PPP1R21: variants seen among roughly 807,000 people sequenced by gnomAD.
PPP1R21 encodes the protein protein phosphatase 1 regulatory subunit 21.
Under a neutral mutation model 112.8 loss-of-function variants are expected in PPP1R21, and 85 were observed. The ratio of observed to expected loss-of-function variants is 0.75; its 90% CI spans 0.63 to 0.90. The LOEUF is 0.90. PPP1R21 is among the 40% of genes least tolerant of loss of function. The pLI is 0.00. For missense variants in PPP1R21, 1,199 were observed against 901.5 expected (o/e 1.33, Z -4.23); for synonymous variants, 381 against 322.3 (o/e 1.18, Z -1.95).
intron 9 of PPP1R21, among the ~76,000 whole-genome samples, chr2:48,468,768 C>T (rs1378386443): frequency 2.0e-5 from 3 of 151,780 alleles, no homozygotes; most frequent in Non-Finnish European, 4.4e-5. Flanking sequence ...TGAGCCAAGA[C>T]TGTGCCACTT....
At chr2:48,468,650 C>CA (rs1053938233) in intron 9 of PPP1R21, among the ~76,000 whole-genome samples, 18 of 148,502 alleles carry the variant, frequency 1.2e-4, no homozygotes, top group Admixed American at 4.0e-4. Flanking sequence ...CCGTCTCTAC[C>CA]AAAAAAAAAC....
intron 8 of PPP1R21, 79 bp from the exon 9 acceptor site, chr2:48,465,414 C>G: frequency 1.5e-6 from 2 of 1,290,718 alleles, no homozygotes; most frequent in Non-Finnish European, 1.1e-6. Flanking sequence ...CAAATGTTTT[C>G]TCCAGATCAG....
intron 11 of PPP1R21, among the ~76,000 whole-genome samples, chr2:48,473,016 A>T (rs972230100): frequency 6.6e-6 from 1 of 150,890 alleles, no homozygotes; most frequent in African/African-American, 2.4e-5. Flanking sequence ...AAAAAAAAAA[A>T]AAGAAAAGAA....
chr2:48,445,346 A>G (rs902353166), intron 1 of PPP1R21, among the ~76,000 whole-genome samples: 1 of 151,992 alleles, frequency 6.6e-6, no homozygotes, highest in African/African-American at 2.4e-5. Flanking sequence ...GAGGAACTGA[A>G]TTTTAGGTTT....
At chr2:48,509,870 A>C in intron 19 of PPP1R21, 145 bp from the exon 20 acceptor site, 1 of 531,352 alleles carries the variant, frequency 1.9e-6, no homozygotes, top group Non-Finnish European at 3.4e-6. Context: ...GATGTGTGAC[A>C]CAATGCCTAT....
intron 15 of PPP1R21, among the ~76,000 whole-genome samples, chr2:48,494,411 T>TTTTATTTATTTA: frequency 6.8e-6 from 1 of 146,900 alleles, no homozygotes; most frequent in East Asian, 2.0e-4. Context: ...GCCTATTTTA[T>TTTTATTTATTTA]TTTATTTATT....
intron 14 of PPP1R21, among the ~76,000 whole-genome samples, chr2:48,487,927 A>G (rs1453203592): frequency 1.3e-5 from 2 of 152,218 alleles, no homozygotes; most frequent in African/African-American, 4.8e-5. Flanking sequence ...ATTCAGAACT[A>G]TCTTAGCCCA....
At chr2:48,456,474 C>T (rs568255456) in intron 3 of PPP1R21, among the ~76,000 whole-genome samples, 10 of 152,170 alleles carry the variant, frequency 6.6e-5, no homozygotes, top group Non-Finnish European at 1.3e-4. Flanking sequence ...TTTAATAAAT[C>T]TGTGACTTTC....
chr2:48,496,242 C>T (rs956670427), intron 16 of PPP1R21, among the ~76,000 whole-genome samples: 12 of 152,012 alleles, frequency 7.9e-5, no homozygotes, highest in Non-Finnish European at 1.8e-4. Context: ...TATATTTGTC[C>T]ACAGTTGGTG....
chr2:48,440,914 G>T lies in PPP1R21; in HGVS notation c.-40G>T, dbSNP rs771510443. The stretch of plus-strand genomic sequence containing the variant: ...GGTTTGGGGGCGGGAGACAGGCTGA[G>T]CCGCCTGGGCGGCCTGGCCTGTACG... On this transcript the variant is annotated 5_prime_UTR_variant, in exon 1 of 22. Transcript: ENST00000294952. The T allele has an allele frequency of 9.8e-6, 13 of 1,329,336 alleles. No individual in the cohort carries two copies. The South Asian group carries it at 1.2e-4, about 12-fold the overall frequency. 82.3% of individuals were successfully genotyped at this position (1,329,336 alleles called of 1,614,324 possible).
intron 14 of PPP1R21, among the ~76,000 whole-genome samples, chr2:48,488,803 A>G (rs1669428162): frequency 1.3e-5 from 2 of 152,218 alleles, no homozygotes; most frequent in Admixed American, 6.5e-5. Context: ...GATTTGATTA[A>G]CCTAATTTTA....
intron 17 of PPP1R21, 60 bp from the exon 18 acceptor site, chr2:48,505,504 A>C: frequency 8.1e-7 from 1 of 1,234,916 alleles, no homozygotes; most frequent in South Asian, 1.3e-5. Flanking sequence ...AAAGCGTTTG[A>C]TCTATTGTGC....
chr2:48,454,738 C>G lies in PPP1R21; in HGVS notation c.270C>G (p.Asn90Lys), dbSNP rs140446898. The change falls in exon 3 of 22, where the codon AAC becomes AAG. Residue 90 changes from asparagine (N) to lysine (K), a missense_variant. Transcript: ENST00000294952. ...TAAGTGAACCACGAGGCAAGAAAAA[C>G]AAGGTAGGTTCAAATACAGGCAAGT... ...LALSEPRGKK[N>K]KKSGESSSQL... 1.9e-4 allele frequency: 308 copies of G among 1,613,130 alleles called. No homozygotes were observed. Among genetic ancestry groups the G allele is most frequent in the Non-Finnish European group, 2.6e-4 (302 of 1,179,178 alleles).
At chr2:48,475,098 A>T (rs1282841279) in intron 12 of PPP1R21, among the ~76,000 whole-genome samples, 1 of 152,218 alleles carries the variant, frequency 6.6e-6, no homozygotes, top group African/African-American at 2.4e-5. Flanking sequence ...CACACCTGTC[A>T]TCCCAGCACG....
At chr2:48,478,587 G>T (rs1668862850) in intron 12 of PPP1R21, among the ~76,000 whole-genome samples, 1 of 152,166 alleles carries the variant, frequency 6.6e-6, no homozygotes, top group Non-Finnish European at 1.5e-5. Flanking sequence ...TGTCTATTCA[G>T]AGAATCAATT....
At chr2:48,486,257 A>G (rs774512635) in intron 13 of PPP1R21, among the ~76,000 whole-genome samples, 22 of 152,166 alleles carry the variant, frequency 1.4e-4, no homozygotes, top group Non-Finnish European at 2.6e-4. Context: ...GGTTGTTTAT[A>G]TAAATACAAG....
chr2:48,512,526 G>A (rs1221371213), intron 21 of PPP1R21, among the ~76,000 whole-genome samples: 3 of 147,270 alleles, frequency 2.0e-5, no homozygotes, highest in African/African-American at 8.1e-5. Context: ...GAGAAATAGA[G>A]ATGAAGAAAC....
rs931196576 is a variant in PPP1R21 at position 48,485,704 on chromosome 2, A to G, written c.1319-927A>G. ...ATGATCACTTCAGGTTAAATCTCAA[A>G]TACTATTTCTTTTCAAATAGTCTTA... On this transcript the variant is annotated intron_variant, in intron 13 of 21. Transcript: ENST00000294952. Among the ~76,000 whole-genome samples the G allele has an allele frequency of 5.9e-5, 9 of 151,688 alleles. 1 individual carries two copies. Among genetic ancestry groups the G allele is most frequent in the African/African-American group, 2.2e-4 (9 of 41,402 alleles).
rs539339617 is a variant in PPP1R21, at chr2:48,491,857, A to G, written c.1599+687A>G. On this transcript the variant is annotated intron_variant, in intron 15 of 21. Transcript: ENST00000294952. The stretch of plus-strand genomic sequence containing the variant: ...ACATCATTAAAAAAGAATGAAAGAA[A>G]TAGGAATAATAAAATATAAAATATA... 8.5e-5 allele frequency among the ~76,000 whole-genome samples: 13 copies of G among 152,222 alleles called. No individual in the cohort carries two copies. In the South Asian group the frequency reaches 2.7e-3, roughly 32 times the overall value.
Sources: allele counts gnomAD v4.1 joint callset (sites outside exome capture counted in the v4.1 genomes callset), GRCh38; gene constraint gnomAD v4.1.1; transcripts MANE v1.5; gene names NCBI Gene and HGNC (gene_info 2026-07-23, HGNC 2026-07-21).